The following MED12L variants were observed in gnomAD, a reference collection of about 807,000 sequenced individuals.
MED12L encodes mediator of RNA polymerase II transcription subunit 12-like protein.
Under a neutral mutation model 281.3 loss-of-function variants are expected in MED12L, and 60 were observed. The ratio of observed to expected loss-of-function variants is 0.21; its 90% CI spans 0.17 to 0.26. MED12L has a LOEUF of 0.26. Among genes scored for constraint, MED12L ranks in the 10% least tolerant of loss-of-function variants. The pLI is 1.00. For synonymous variants in MED12L, 974 were observed against 987.2 expected (o/e 0.99, Z 0.25); for missense variants, 2,146 against 2,680.9 (o/e 0.80, Z 4.41).
chr3:151,184,044 T>C (rs1192416941), intron 11 of MED12L, among the ~76,000 whole-genome samples: 1 of 152,262 alleles, frequency 6.6e-6, no homozygotes, highest in Non-Finnish European at 1.5e-5. Flanking sequence ...TTAAATGTTA[T>C]GTTCAAACAT....
intron 21 of MED12L, among the ~76,000 whole-genome samples, chr3:151,362,831 T>C (rs1754789120): frequency 6.6e-6 from 1 of 152,152 alleles, no homozygotes; most frequent in Non-Finnish European, 1.5e-5. Flanking sequence ...TTGTGAAATA[T>C]TTGAGTGGGT....
intron 2 of MED12L, among the ~76,000 whole-genome samples, chr3:151,090,268 T>G (rs1355125): frequency 0.015 from 2,267 of 152,278 alleles, 24 homozygotes; most frequent in East Asian, 0.039. Flanking sequence ...ATAGGGCTGT[T>G]GGAAGATTAC....
chr3:151,097,876 CAAT>C (rs1319702471), intron 2 of MED12L, among the ~76,000 whole-genome samples: 5 of 152,096 alleles, frequency 3.3e-5, no homozygotes, highest in African/African-American at 1.2e-4. Context: ...ATGAGGAGCA[CAAT>C]GTTTCAGATA....
intron 2 of MED12L, among the ~76,000 whole-genome samples, chr3:151,109,771 A>G (rs1432396971): frequency 6.6e-6 from 1 of 152,216 alleles, no homozygotes; most frequent in African/African-American, 2.4e-5. Context: ...CTGCTTCCCA[A>G]CAGTTATTAA....
chr3:151,292,288 C>CTTTTTTTTTTT lies in MED12L; in HGVS notation c.2251-57764_2251-57754dup, dbSNP rs35742538. Among the ~76,000 whole-genome samples, 419 of 139,640 alleles carry CTTTTTTTTTTT rather than the reference C, an allele frequency of 3.0e-3. 1 individual carries two copies. The highest frequency in any genetic ancestry group is 5.2e-3 in the Non-Finnish European group (339 of 64,758). 91.6% of individuals were successfully genotyped at this position (139,640 alleles called of 152,430 possible). On this transcript the variant is annotated intron_variant, in intron 16 of 44. Coordinates refer to ENST00000687756, the MANE Select transcript of MED12L (RefSeq NM_001393769.1). ...TATTTTCCCAGCAATAATATTGCTC[C>CTTTTTTTTTTT]TTTTTTTTTTTTTTTTTGGATGGAG...
intron 16 of MED12L, chr3:151,278,148 A>G (rs1479683911): frequency 1.3e-5 from 2 of 152,356 alleles, no homozygotes; most frequent in East Asian, 3.9e-4. Context: ...TCAAACAAAA[A>G]GTAACCTACT....
chr3:151,340,020 C>G (rs1219047342), intron 16 of MED12L, among the ~76,000 whole-genome samples: 1 of 152,042 alleles, frequency 6.6e-6, no homozygotes, highest in Non-Finnish European at 1.5e-5. Flanking sequence ...CCCAAAATGT[C>G]CATGGAATTC....
At chr3:151,205,580 G>C (rs770909543) in intron 16 of MED12L, among the ~76,000 whole-genome samples, 1 of 152,152 alleles carries the variant, frequency 6.6e-6, no homozygotes, top group African/African-American at 2.4e-5. Context: ...GAAAGCAAAT[G>C]TTGGGGTCGG....
intron 5 of MED12L, among the ~76,000 whole-genome samples, chr3:151,148,798 G>GT (rs1320474624): frequency 7.9e-5 from 12 of 152,298 alleles, no homozygotes; most frequent in Non-Finnish European, 1.3e-4. Flanking sequence ...TACAAAGTTA[G>GT]TTTTTTCATA....
intron 16 of MED12L, among the ~76,000 whole-genome samples, chr3:151,287,022 T>C (rs1743598940): frequency 6.6e-6 from 1 of 152,184 alleles, no homozygotes; most frequent in South Asian, 2.1e-4. Context: ...GGGGCAATGC[T>C]AGTACTTCCT....
At chr3:151,426,674 C>A (rs1338433317) in intron 43 of MED12L, among the ~76,000 whole-genome samples, 2 of 151,996 alleles carry the variant, frequency 1.3e-5, no homozygotes, top group East Asian at 3.9e-4. Context: ...TCAATATTTA[C>A]CATGTTAGAA....
At chr3:151,096,687 G>T (rs1258042413) in intron 2 of MED12L, among the ~76,000 whole-genome samples, 2 of 152,200 alleles carry the variant, frequency 1.3e-5, no homozygotes, top group African/African-American at 4.8e-5. Context: ...TTTATAGCTA[G>T]AAGGGAACTT....
At chr3:151,250,699 G>C (rs776056039) in intron 16 of MED12L, among the ~76,000 whole-genome samples, 9 of 152,058 alleles carry the variant, frequency 5.9e-5, no homozygotes, top group Non-Finnish European at 1.3e-4. Flanking sequence ...TCCACCTTTT[G>C]GCTATTGTGA....
chr3:151,112,903 ATATT>A (rs1428790608), intron 2 of MED12L, among the ~76,000 whole-genome samples: 1 of 152,222 alleles, frequency 6.6e-6, no homozygotes, highest in Non-Finnish European at 1.5e-5. Context: ...CTTTGAACAA[ATATT>A]TATTGAACAG....
At chr3:151,100,430 G>A (rs928565061) in intron 2 of MED12L, among the ~76,000 whole-genome samples, 3 of 152,194 alleles carry the variant, frequency 2.0e-5, no homozygotes, top group Non-Finnish European at 1.5e-5. Context: ...GCATTGGCAG[G>A]AGTGAAGAAC....
intron 11 of MED12L, among the ~76,000 whole-genome samples, chr3:151,176,956 A>G (rs1722124974): frequency 6.6e-6 from 1 of 151,982 alleles, no homozygotes; most frequent in South Asian, 2.1e-4. Context: ...AGTCGAACCT[A>G]CTCTACACCA....
intron 4 of MED12L, among the ~76,000 whole-genome samples, chr3:151,123,349 T>G (rs766906737): frequency 2.2e-4 from 34 of 152,234 alleles, no homozygotes; most frequent in Non-Finnish European, 5.9e-5. Context: ...TTCTTGTCTT[T>G]AAAAGTATCC....
At chr3:151,141,201 G>GTTTTGTTT (rs1716973453) in intron 5 of MED12L, among the ~76,000 whole-genome samples, 1 of 58,320 alleles carries the variant, frequency 1.7e-5, no homozygotes, top group African/African-American at 8.2e-5. Context: ...TTTTTTTTTT[G>GTTTTGTTT]TTAGTAGAGA....
intron 20 of MED12L, among the ~76,000 whole-genome samples, chr3:151,358,577 T>G (rs1340454578): frequency 6.7e-6 from 1 of 149,778 alleles, no homozygotes; most frequent in South Asian, 2.1e-4. Flanking sequence ...TTGTTTTTGT[T>G]TTTTGTTTTT....
Sources: gnomAD v4.1 joint callset for allele counts (sites outside exome capture counted in the v4.1 genomes callset) on GRCh38, gnomAD v4.1.1 for gene constraint, MANE v1.5 for transcripts, NCBI Gene and HGNC (gene_info 2026-07-23, HGNC 2026-07-21) for gene names.